DAB1: variants seen among roughly 807,000 people sequenced by gnomAD.
The protein encoded by DAB1 is DAB adaptor protein 1, also known as disabled homolog 1.
Under a neutral mutation model 64.6 loss-of-function variants are expected in DAB1, and 15 were observed. The ratio of observed to expected loss-of-function variants is 0.23; its 90% CI spans 0.16 to 0.36. The LOEUF is 0.36. Ranked by LOEUF, DAB1 falls within the 10% of genes least tolerant of loss-of-function variation. The pLI, the probability that DAB1 is intolerant of heterozygous loss-of-function variation, is 1.00. For missense variants in DAB1, 596 were observed against 706.7 expected (o/e 0.84, Z 1.78); for synonymous variants, 235 against 251.9 (o/e 0.93, Z 0.64).
intron 5 of DAB1, among the ~76,000 whole-genome samples, chr1:57,982,823 T>C (rs1044515678): frequency 6.6e-6 from 1 of 152,346 alleles, no homozygotes; most frequent in Non-Finnish European, 1.5e-5. Context: ...ATACGTAAGA[T>C]GATAATTAAC....
At chr1:57,334,259 G>T (rs1207578082) in intron 1 of DAB1, among the ~76,000 whole-genome samples, 4 of 152,220 alleles carry the variant, frequency 2.6e-5, no homozygotes. Flanking sequence ...CTGAACAGAG[G>T]ACTAAGGAAG....
intron 1 of DAB1, among the ~76,000 whole-genome samples, chr1:57,413,355 T>C (rs558719754): frequency 1.3e-5 from 2 of 152,324 alleles, no homozygotes; most frequent in African/African-American, 4.8e-5. Flanking sequence ...GTCTTATTAT[T>C]TAGGACATAC....
At chr1:57,872,312 T>C (rs1230491587) in intron 1 of DAB1, among the ~76,000 whole-genome samples, 2 of 152,094 alleles carry the variant, frequency 1.3e-5, no homozygotes, top group Non-Finnish European at 2.9e-5. Context: ...ATGAACAGAA[T>C]TAGTGCCCTT....
At chr1:57,161,525 C>T (rs1660744324) in intron 2 of DAB1, among the ~76,000 whole-genome samples, 1 of 152,146 alleles carries the variant, frequency 6.6e-6, no homozygotes. Flanking sequence ...TTCCCTTTGG[C>T]TAATACACAT....
At chr1:57,886,802 T>C (rs907285264), upstream of DAB1, among the ~76,000 whole-genome samples, 5 of 152,286 alleles carry the variant, frequency 3.3e-5, no homozygotes, top group Middle Eastern at 3.4e-3. Flanking sequence ...CTGTGTGATA[T>C]TTGGCAAGTT....
intron 7 of DAB1, among the ~76,000 whole-genome samples, chr1:57,624,310 A>G (rs1054104459): frequency 6.6e-6 from 1 of 152,142 alleles, no homozygotes; most frequent in Non-Finnish European, 1.5e-5. Context: ...TGACACCAGG[A>G]TGAAATCAGC....
At position 57,795,690 on chromosome 1, in the gene DAB1, GATATATATATATATATATATATATATAT is replaced by G. The variant is rs3081038; in HGVS notation, n.551+88281_551+88308del. 5.2e-4 allele frequency among the ~76,000 whole-genome samples: 36 copies of G among 69,100 alleles called. 1 individual carries two copies. The highest frequency in any genetic ancestry group is 2.9e-3 in the Admixed American group (14 of 4,824). 45.3% of individuals were successfully genotyped at this position (69,100 alleles called of 152,430 possible). The stretch of plus-strand genomic sequence containing the variant: ...TAACCATCCATGAATTATGCTTGGA[GATATATATATATATATATATATATATAT>G]ATATATATATATATATCATACACAT... On this transcript the variant is annotated intron_variant and non_coding_transcript_variant, in intron 6 of 20. Coordinates refer to the DAB1 transcript ENST00000485760.
chr1:58,216,539 A>G (rs1658865288), intron 4 of DAB1, among the ~76,000 whole-genome samples: 1 of 152,176 alleles, frequency 6.6e-6, no homozygotes, highest in Admixed American at 6.5e-5. Context: ...CTTTGGGTAT[A>G]TATCCAGTAT....
At chr1:57,163,067 A>C (rs1660905913) in intron 2 of DAB1, among the ~76,000 whole-genome samples, 1 of 152,212 alleles carries the variant, frequency 6.6e-6, no homozygotes, top group African/African-American at 2.4e-5. Flanking sequence ...ACCAACATGT[A>C]CTGAATGCCC....
chr1:58,303,386 C>T (rs1244641335), intron 4 of DAB1, among the ~76,000 whole-genome samples: 1 of 152,136 alleles, frequency 6.6e-6, no homozygotes, highest in Non-Finnish European at 1.5e-5. Context: ...GATTGAATTC[C>T]ACCTACTGAT....
chr1:57,777,969 T>C (rs1649894551), intron 6 of DAB1, among the ~76,000 whole-genome samples: 1 of 152,090 alleles, frequency 6.6e-6, no homozygotes, highest in Non-Finnish European at 1.5e-5. Flanking sequence ...GTTTTTGAAG[T>C]TTGCTATGAC....
At chr1:57,415,402 C>T (rs1308337953) in intron 1 of DAB1, among the ~76,000 whole-genome samples, 3 of 151,882 alleles carry the variant, frequency 2.0e-5, no homozygotes, top group Non-Finnish European at 4.4e-5. Flanking sequence ...AAAAAAAAGG[C>T]TTTCTGAAAC....
At chr1:57,785,343 C>T (rs923080702) in intron 6 of DAB1, among the ~76,000 whole-genome samples, 1 of 152,122 alleles carries the variant, frequency 6.6e-6, no homozygotes, top group African/African-American at 2.4e-5. Flanking sequence ...GTAATTTTGA[C>T]TTTCAAATAT....
chr1:58,493,425 G>T (rs1208771397), intron 3 of DAB1, among the ~76,000 whole-genome samples: 1 of 151,996 alleles, frequency 6.6e-6, no homozygotes, highest in African/African-American at 2.4e-5. Context: ...AGGGCAATCA[G>T]GCAAGAGAAA....
chr1:57,742,264 C>T (rs748199204), intron 6 of DAB1, among the ~76,000 whole-genome samples: 1 of 151,800 alleles, frequency 6.6e-6, no homozygotes, highest in Non-Finnish European at 1.5e-5. Flanking sequence ...GAAACCAAGG[C>T]GCAGGCAGCA....
chr1:58,465,980 T>C (rs1437221019), intron 3 of DAB1, among the ~76,000 whole-genome samples: 1 of 152,146 alleles, frequency 6.6e-6, no homozygotes, highest in Non-Finnish European at 1.5e-5. Context: ...AAGCCAGATG[T>C]GCAGGGTTAC....
At chr1:58,415,453 G>C in intron 3 of DAB1, 2 of 244,176 alleles carry the variant, frequency 8.2e-6, no homozygotes, top group African/African-American at 2.3e-5. Context: ...CTCTTTCAAA[G>C]TCCCTGGCTG....
intron 2 of DAB1, among the ~76,000 whole-genome samples, chr1:57,174,661 G>A (rs1423580179): frequency 1.3e-5 from 2 of 152,114 alleles, no homozygotes; most frequent in African/African-American, 4.8e-5. Context: ...TGAAGTACAG[G>A]AGAAGGTCTG....
intron 2 of DAB1, among the ~76,000 whole-genome samples, chr1:57,186,721 A>G (rs1663602737): frequency 6.6e-6 from 1 of 152,234 alleles, no homozygotes; most frequent in Admixed American, 6.5e-5. Context: ...TCCAGTACCC[A>G]CTTCAAGAAT....
Sources: allele counts gnomAD v4.1 joint callset (sites outside exome capture counted in the v4.1 genomes callset), GRCh38; gene constraint gnomAD v4.1.1; transcripts MANE v1.5; gene names NCBI Gene and HGNC (gene_info 2026-07-23, HGNC 2026-07-21).